Variants in ICA1L observed in about 807,000 individuals in gnomAD.
ICA1L encodes the protein islet cell autoantigen 1-like protein.
A neutral mutation model predicts 61.3 loss-of-function variants in ICA1L; 50 were observed. That is an observed-to-expected ratio of 0.82 (90% CI 0.65 to 1.03). The LOEUF is 1.03. ICA1L is among the 50% of genes least tolerant of loss of function. The pLI, the probability that ICA1L is intolerant of heterozygous loss-of-function variation, is 0.00. For synonymous variants in ICA1L, 161 were observed against 191.3 expected (o/e 0.84, Z 1.31); for missense variants, 508 against 556.7 (o/e 0.91, Z 0.88).
intron 9 of ICA1L, among the ~76,000 whole-genome samples, chr2:202,803,771 G>T (rs529039949): frequency 2.6e-5 from 4 of 152,040 alleles, no homozygotes; most frequent in Non-Finnish European, 5.9e-5. Context: ...CAGGCCATCC[G>T]CCTGCCTGAG....
intron 12 of ICA1L, among the ~76,000 whole-genome samples, chr2:202,781,721 C>T (rs142369671): frequency 1.3e-4 from 20 of 152,168 alleles, no homozygotes; most frequent in Non-Finnish European, 2.2e-4. Flanking sequence ...ATCACAGTGA[C>T]GCTCATTAGC....
intron 3 of ICA1L, 139 bp downstream of exon 3, chr2:202,825,556 G>A: frequency 7.4e-7 from 1 of 1,348,810 alleles, no homozygotes; most frequent in Non-Finnish European, 9.5e-7. Flanking sequence ...GGGCCTTTGA[G>A]AACAGGTAAC....
intron 1 of ICA1L, among the ~76,000 whole-genome samples, chr2:202,862,797 A>AT (rs1694957776): frequency 6.6e-6 from 1 of 151,926 alleles, no homozygotes; most frequent in Non-Finnish European, 1.5e-5. Flanking sequence ...AGATTGTGCC[A>AT]TTGCACTCCA....
At chr2:202,860,227 A>G (rs2105888164) in intron 1 of ICA1L, 1 of 151,212 alleles carries the variant, frequency 6.6e-6, no homozygotes, top group Non-Finnish European at 1.5e-5. Flanking sequence ...AACTACGATC[A>G]TGCCACTGCA....
chr2:202,774,191 A>G lies in ICA1L; in HGVS notation c.*5342T>C. 2 of 1,550,926 alleles carry G rather than the reference A, an allele frequency of 1.3e-6. No homozygotes were observed. The highest frequency in any genetic ancestry group is 2.4e-5 in the East Asian group (1 of 40,924). The stretch of plus-strand genomic sequence containing the variant: ...CGGCTTCTTGGAGAGCGGGCACACC[A>G]GGAACTCCAGCAGCGCCGGATCGAA... On this transcript the variant is annotated 3_prime_UTR_variant, in exon 13 of 13. Coordinates refer to ENST00000358299, the MANE Select transcript of ICA1L (RefSeq NM_001288622.3).
At chr2:202,797,952 C>G (rs1692980696) in intron 9 of ICA1L, among the ~76,000 whole-genome samples, 1 of 152,282 alleles carries the variant, frequency 6.6e-6, no homozygotes, top group Middle Eastern at 3.4e-3. Flanking sequence ...AGTTCCCTCC[C>G]CACAACTACC....
chr2:202,785,560 C>CT (rs1692554122), intron 12 of ICA1L, among the ~76,000 whole-genome samples: 1 of 152,162 alleles, frequency 6.6e-6, no homozygotes, highest in African/African-American at 2.4e-5. Context: ...GCTGGGACTA[C>CT]AGGTGCCCGC....
chr2:202,838,724 A>G (rs1694221657), intron 1 of ICA1L, among the ~76,000 whole-genome samples: 1 of 152,194 alleles, frequency 6.6e-6, no homozygotes, highest in Non-Finnish European at 1.5e-5. Flanking sequence ...CTGTGTTGCT[A>G]TAAAGAAATA....
At chr2:202,844,717 G>C (rs1324537813) in intron 1 of ICA1L, 1 of 152,220 alleles carries the variant, frequency 6.6e-6, no homozygotes, top group Non-Finnish European at 1.5e-5. Flanking sequence ...TAAACTAATT[G>C]AGCTCCTTTA....
rs1692310173 is a variant in ICA1L at position 202,778,909 on chromosome 2, A to C, written c.*624T>G. 1 of 152,638 alleles carries C rather than the reference A, an allele frequency of 6.6e-6. No homozygotes were observed. Among genetic ancestry groups the C allele is most frequent in the African/African-American group, 2.4e-5 (1 of 41,456 alleles). 9.5% of individuals were successfully genotyped at this position (152,638 alleles called of 1,614,324 possible). A position where few individuals can be genotyped will look rare whatever the true frequency, so the allele number is the denominator to read the frequency against. On this transcript the variant is annotated 3_prime_UTR_variant, in exon 13 of 13. Coordinates refer to ENST00000358299, the MANE Select transcript of ICA1L (RefSeq NM_001288622.3). ...AATTAGGGAGTGTCCATTATTTTGTATGAATGAAAAAACATTACATTTTAG... is the reference window on the plus strand; with the variant it reads ...AATTAGGGAGTGTCCATTATTTTGTCTGAATGAAAAAACATTACATTTTAG...
At chr2:202,862,016 G>A (rs1338846315) in intron 1 of ICA1L, among the ~76,000 whole-genome samples, 2 of 133,568 alleles carry the variant, frequency 1.5e-5, no homozygotes, top group Non-Finnish European at 3.0e-5. Context: ...CACCCACCAA[G>A]AGCAGAATAC....
chr2:202,812,454 G>T (rs1287091942), intron 8 of ICA1L, among the ~76,000 whole-genome samples: 1 of 152,072 alleles, frequency 6.6e-6, no homozygotes, highest in Non-Finnish European at 1.5e-5. Flanking sequence ...GCATGTGCCT[G>T]TAATCCCAGC....
chr2:202,841,250 G>A, intron 1 of ICA1L: 3 of 727,440 alleles, frequency 4.1e-6, no homozygotes, highest in Non-Finnish European at 7.6e-6. Context: ...CCTCATATTT[G>A]TTCTTGAAGT....
intron 1 of ICA1L, 29 bp from the exon 2 acceptor site, chr2:202,829,045 C>T: frequency 6.6e-7 from 1 of 1,509,272 alleles, no homozygotes; most frequent in Non-Finnish European, 8.8e-7. Flanking sequence ...AATTAAACTT[C>T]TTTTAAAAAT....
intron 10 of ICA1L, among the ~76,000 whole-genome samples, chr2:202,795,824 C>G (rs542986980): frequency 6.6e-6 from 1 of 152,010 alleles, no homozygotes; most frequent in Non-Finnish European, 1.5e-5. Flanking sequence ...GGGCAGATCA[C>G]TTGAGGCCAG....
At chr2:202,780,339 C>T (rs930013390) in intron 12 of ICA1L, among the ~76,000 whole-genome samples, 48 of 152,306 alleles carry the variant, frequency 3.2e-4, no homozygotes, top group African/African-American at 7.9e-4. Context: ...GCGCATTTTA[C>T]AGTATGCATT....
intron 1 of ICA1L, among the ~76,000 whole-genome samples, chr2:202,866,663 C>T (rs1182338725): frequency 6.6e-6 from 1 of 152,110 alleles, no homozygotes; most frequent in Non-Finnish European, 1.5e-5. Context: ...CTGTAAAACT[C>T]CCGGCGAGGC....
rs149889945 is a variant in ICA1L, at chr2:202,850,859, G to A, written c.-8+20760C>T. Among the ~76,000 whole-genome samples the A allele has an allele frequency of 3.2e-3, 489 of 152,086 alleles. 3 individuals are homozygous for A. The highest frequency in any genetic ancestry group is 0.011 in the African/African-American group (457 of 41,502). On this transcript the variant is annotated intron_variant, in intron 1 of 12. Transcript: ENST00000358299. ...ATTGTCAGATTCTCCAAGGTGAAAC[G>A]AAGGAAAAAATGTTAAGGGGAGCAA...
chr2:202,774,389 C>A lies in ICA1L; in HGVS notation c.*5144G>T. 1 of 1,168,356 alleles carries A rather than the reference C, an allele frequency of 8.6e-7. No homozygotes were observed. Among genetic ancestry groups the A allele is most frequent in the South Asian group, 2.0e-5 (1 of 51,024 alleles). The allele number at this position is 1,168,356 out of a possible 1,614,324, so 72.4% of individuals were successfully genotyped here. ...GGTCTGGCAGCCGGAGACCAGGCCT[C>A]ACTGCGCCTCCAACAGCCAGGGTCG... On this transcript the variant is annotated 3_prime_UTR_variant, in exon 13 of 13. Transcript: ENST00000358299.
Sources: gnomAD v4.1 joint callset for allele counts (sites outside exome capture counted in the v4.1 genomes callset) on GRCh38, gnomAD v4.1.1 for gene constraint, MANE v1.5 for transcripts, NCBI Gene and HGNC (gene_info 2026-07-23, HGNC 2026-07-21) for gene names.